PDZD8: variants seen among roughly 807,000 people sequenced by gnomAD.
The protein encoded by PDZD8 is PDZ domain containing 8, also known as PDZ domain-containing protein 8.
PDZD8 carries 14 observed loss-of-function variants against 85.8 expected under a neutral mutation model. That is an observed-to-expected ratio of 0.16 (90% CI 0.11 to 0.26). The LOEUF (loss-of-function observed/expected upper bound fraction) is 0.26. Ranked by LOEUF, PDZD8 falls within the 10% of genes least tolerant of loss-of-function variation. PDZD8 has a pLI of 1.00. For missense variants in PDZD8, 1,197 were observed against 1,424.3 expected (o/e 0.84, Z 2.57); for synonymous variants, 592 against 568.6 (o/e 1.04, Z -0.59).
At chr10:117,354,826 A>G (rs1264476053) in intron 1 of PDZD8, among the ~76,000 whole-genome samples, 2 of 152,210 alleles carry the variant, frequency 1.3e-5, no homozygotes, top group Non-Finnish European at 2.9e-5. Flanking sequence ...AAACTAGATA[A>G]CTCAGTGAGT....
rs2133753955 is a variant in PDZD8, at chr10:117,281,068, T to G, written c.*2200A>C. 1 of 152,334 alleles carries G rather than the reference T, an allele frequency of 6.6e-6. No homozygotes were observed. The highest frequency in any genetic ancestry group is 1.5e-5 in the Non-Finnish European group (1 of 68,052). 9.4% of individuals were successfully genotyped at this position (152,334 alleles called of 1,614,324 possible). A position where few individuals can be genotyped will look rare whatever the true frequency, so the allele number is the denominator to read the frequency against. On this transcript the variant is annotated 3_prime_UTR_variant, in exon 5 of 5. Coordinates refer to ENST00000334464, the MANE Select transcript of PDZD8 (RefSeq NM_173791.5). ...TGTAAATTCTTCTATAGCAGTGTTCTTTTAAAATAAGATCACGTGGCCGGG... is the reference window on the plus strand; with the variant it reads ...TGTAAATTCTTCTATAGCAGTGTTCGTTTAAAATAAGATCACGTGGCCGGG...
intron 2 of PDZD8, among the ~76,000 whole-genome samples, chr10:117,322,957 A>G (rs546563882): frequency 6.6e-6 from 1 of 152,298 alleles, no homozygotes; most frequent in African/African-American, 2.4e-5. Flanking sequence ...TGGGAGACCC[A>G]AGACTCAAGG....
At position 117,282,591 on chromosome 10, in the gene PDZD8, A is replaced by G. The variant is rs1844589090; in HGVS notation, c.*677T>C. 6.6e-6 allele frequency: 1 copy of G among 152,160 alleles called. No homozygotes were observed. Among genetic ancestry groups the G allele is most frequent in the Admixed American group, 6.5e-5 (1 of 15,280 alleles). 9.4% of individuals were successfully genotyped at this position (152,160 alleles called of 1,614,324 possible). ...CATATTTTTACCATACAGCTGCACA[A>G]AAGCTTTAGAAAAAAATTTCACAGA... is the stretch of plus-strand genomic sequence containing the variant. On this transcript the variant is annotated 3_prime_UTR_variant, in exon 5 of 5. Transcript: ENST00000334464.
chr10:117,359,766 C>T (rs1463679677), intron 1 of PDZD8, among the ~76,000 whole-genome samples: 10 of 152,072 alleles, frequency 6.6e-5, no homozygotes, highest in Admixed American at 6.6e-4. Context: ...CCTTAGTTAT[C>T]ACCTTTGTAT....
At chr10:117,304,449 G>A (rs1843898297) in intron 3 of PDZD8, among the ~76,000 whole-genome samples, 1 of 152,114 alleles carries the variant, frequency 6.6e-6, no homozygotes, top group Non-Finnish European at 1.5e-5. Context: ...TTTGGACTGT[G>A]GGCTTTTGGG....
intron 1 of PDZD8, among the ~76,000 whole-genome samples, chr10:117,345,840 G>C (rs1188332937): frequency 2.0e-5 from 3 of 152,138 alleles, no homozygotes; most frequent in Non-Finnish European, 4.4e-5. Context: ...GGAGAGAATA[G>C]GCTGTAAAAC....
At chr10:117,290,598 T>C (rs1190743908) in intron 3 of PDZD8, among the ~76,000 whole-genome samples, 1 of 152,156 alleles carries the variant, frequency 6.6e-6, no homozygotes, top group Non-Finnish European at 1.5e-5. Context: ...CCTTGCTCCA[T>C]GCTCATTGTA....
chr10:117,340,135 C>T (rs1295584474), intron 2 of PDZD8, among the ~76,000 whole-genome samples: 1 of 152,186 alleles, frequency 6.6e-6, no homozygotes, highest in African/African-American at 2.4e-5. Context: ...TCTGAGATCG[C>T]TTCCAGTTCT....
chr10:117,351,441 A>G (rs1229605904), intron 1 of PDZD8, among the ~76,000 whole-genome samples: 2 of 152,204 alleles, frequency 1.3e-5, no homozygotes, highest in Non-Finnish European at 2.9e-5. Context: ...GGCAAAAAAC[A>G]AACACAAAAA....
intron 2 of PDZD8, among the ~76,000 whole-genome samples, chr10:117,340,506 A>G (rs1231240170): frequency 6.6e-6 from 1 of 152,032 alleles, no homozygotes; most frequent in African/African-American, 2.4e-5. Flanking sequence ...CTGATCCCAC[A>G]TTGCTTCTTG....
chr10:117,335,574 C>T (rs75538733), intron 2 of PDZD8, among the ~76,000 whole-genome samples: 1 of 152,072 alleles, frequency 6.6e-6, no homozygotes, highest in East Asian at 1.9e-4. Context: ...TGTTAATACT[C>T]TATGTATTTA....
At chr10:117,302,877 C>T (rs969545493) in intron 3 of PDZD8, among the ~76,000 whole-genome samples, 2 of 152,190 alleles carry the variant, frequency 1.3e-5, no homozygotes, top group Admixed American at 1.3e-4. Flanking sequence ...CCTTTTGCCT[C>T]CTGGCATGAT....
At chr10:117,291,204 T>A (rs555718751) in intron 3 of PDZD8, among the ~76,000 whole-genome samples, 1 of 149,282 alleles carries the variant, frequency 6.7e-6, no homozygotes, top group East Asian at 2.0e-4. Flanking sequence ...TTTTTGGGAA[T>A]AGGCAAAGGA....
chr10:117,344,760 C>T (rs1844675552), intron 1 of PDZD8, among the ~76,000 whole-genome samples: 1 of 152,156 alleles, frequency 6.6e-6, no homozygotes, highest in South Asian at 2.1e-4. Flanking sequence ...TGGGCTTTCT[C>T]CCTGGGAAGA....
At chr10:117,362,453 A>G (rs574923624) in intron 1 of PDZD8, among the ~76,000 whole-genome samples, 2 of 152,268 alleles carry the variant, frequency 1.3e-5, no homozygotes, top group South Asian at 4.1e-4. Flanking sequence ...AATTCCAGAA[A>G]TAAAACAGGA....
rs553181718 is a variant in PDZD8 at position 117,282,227 on chromosome 10, A to T, written c.*1041T>A. ...CCTTCACAGAATACTCCTACATGAAAATGTTTTTTCTAAAACAAAACCAGC... is the reference window on the plus strand; with the variant it reads ...CCTTCACAGAATACTCCTACATGAATATGTTTTTTCTAAAACAAAACCAGC... On this transcript the variant is annotated 3_prime_UTR_variant, in exon 5 of 5. Coordinates refer to ENST00000334464, the MANE Select transcript of PDZD8 (RefSeq NM_173791.5). 37 of 152,278 alleles carry T rather than the reference A, an allele frequency of 2.4e-4. No homozygotes were observed. The highest frequency in any genetic ancestry group is 8.7e-4 in the African/African-American group (36 of 41,564). The allele number at this position is 152,278 out of a possible 1,614,324, so 9.4% of individuals were successfully genotyped here.
intron 1 of PDZD8, among the ~76,000 whole-genome samples, chr10:117,354,180 T>C (rs934188408): frequency 6.6e-6 from 1 of 152,208 alleles, no homozygotes; most frequent in African/African-American, 2.4e-5. Flanking sequence ...TTTTCATTGA[T>C]TGCGGAGAAT....
chr10:117,341,800 G>A (rs1396963987), intron 1 of PDZD8, among the ~76,000 whole-genome samples: 1 of 152,172 alleles, frequency 6.6e-6, no homozygotes, highest in Admixed American at 6.5e-5. Flanking sequence ...TGGAGCCCAC[G>A]AATACAGAGA....
chr10:117,337,498 C>A (rs546898287), intron 2 of PDZD8, among the ~76,000 whole-genome samples: 2 of 152,312 alleles, frequency 1.3e-5, no homozygotes, highest in African/African-American at 4.8e-5. Context: ...CATAATACTG[C>A]CTTTCCACCC....
Sources: gnomAD v4.1 joint callset for allele counts (sites outside exome capture counted in the v4.1 genomes callset) on GRCh38, gnomAD v4.1.1 for gene constraint, MANE v1.5 for transcripts, NCBI Gene and HGNC (gene_info 2026-07-23, HGNC 2026-07-21) for gene names.